Variants in PML observed in about 807,000 individuals in gnomAD.
The protein encoded by PML is PML nuclear body scaffold.
Under a neutral mutation model 65.2 loss-of-function variants are expected in PML, and 28 were observed. That is an observed-to-expected ratio of 0.43 (90% CI 0.32 to 0.59). The LOEUF is 0.59. PML is among the 20% of genes least tolerant of loss of function. The pLI, the probability that PML is intolerant of heterozygous loss-of-function variation, is 0.08. For synonymous variants in PML, 500 were observed against 508.8 expected, an observed-to-expected ratio of 0.98 and a Z score of 0.23; for missense variants, 1,021 against 1,203.4, an observed-to-expected ratio of 0.85 and a Z score of 2.24.
chr15:74,002,004 GAA>G (rs201339026), intron 2 of PML, among the ~76,000 whole-genome samples: 14 of 126,312 alleles, frequency 1.1e-4, no homozygotes, highest in Non-Finnish European at 8.5e-5. Flanking sequence ...ACCCTGACTC[GAA>G]AAAAAAAAAA....
chr15:74,000,836 G>A (rs191700933), intron 2 of PML, among the ~76,000 whole-genome samples: 13 of 152,090 alleles, frequency 8.5e-5, no homozygotes, highest in Non-Finnish European at 1.8e-4. Context: ...ATTGTTTAGC[G>A]TAGTGCCTGG....
At chr15:74,004,028 T>G (rs544825956) in intron 2 of PML, among the ~76,000 whole-genome samples, 3 of 152,222 alleles carry the variant, frequency 2.0e-5, no homozygotes, top group Non-Finnish European at 4.4e-5. Flanking sequence ...GTCTCTGGTG[T>G]TGTAGATGAG....
chr15:74,019,839 A>C (rs1298638840), intron 2 of PML, among the ~76,000 whole-genome samples: 1 of 152,154 alleles, frequency 6.6e-6, no homozygotes, highest in Non-Finnish European at 1.5e-5. Flanking sequence ...AATTTTCCTT[A>C]TCAGTATATA....
chr15:74,039,727 AG>A (rs1314361570), intron 7 of PML, among the ~76,000 whole-genome samples: 2 of 152,214 alleles, frequency 1.3e-5, no homozygotes, highest in African/African-American at 2.4e-5. Context: ...GCCTAACCAA[AG>A]TCAAGAACCA....
At position 74,035,508 on chromosome 15, in the gene PML, A is replaced by C. The variant is rs763750133; in HGVS notation, c.1710+978A>C. On this transcript the variant is annotated intron_variant, in intron 7 of 8. Coordinates refer to ENST00000268058, the MANE Select transcript of PML (RefSeq NM_033238.3). The surrounding 1 kb of genome is among the most constrained non-coding windows in gnomAD (Gnocchi z 4.1). The stretch of plus-strand genomic sequence containing the variant: ...GCACCCTCAATTGCATCGGGCCCCT[A>C]TTCGGACTTGGTCTCCCCATGTGGT... 5.6e-6 allele frequency: 9 copies of C among 1,611,662 alleles called. No individual in the cohort carries two copies. The South Asian group carries it at 7.7e-5, about 14-fold the overall frequency.
intron 4 of PML, chr15:74,027,908 AGT>A (rs2071153451): frequency 6.6e-6 from 1 of 152,304 alleles, no homozygotes; most frequent in African/African-American, 2.4e-5. Flanking sequence ...CCCAAGGGAA[AGT>A]GCTCCATCAG....
chr15:73,995,005 G>A lies in PML; in HGVS notation c.129+64G>A. 2.1e-6 allele frequency: 3 copies of A among 1,396,246 alleles called. No individual in the cohort carries two copies. In the South Asian group the frequency reaches 4.2e-5, roughly 19 times the overall value. 86.5% of individuals were successfully genotyped at this position (1,396,246 alleles called of 1,614,324 possible). ...TGGTTTGCTGTGGTGGGGAGAGGCG[G>A]GAAGAGAGGGTCTAACGGAGGATTT... is the stretch of plus-strand genomic sequence containing the variant. On this transcript the variant is annotated intron_variant, in intron 1 of 8. Coordinates refer to ENST00000268058, the MANE Select transcript of PML (RefSeq NM_033238.3).
chr15:74,020,582 G>GT (rs1332802320), intron 2 of PML, among the ~76,000 whole-genome samples: 3 of 152,254 alleles, frequency 2.0e-5, no homozygotes, highest in Middle Eastern at 3.4e-3. Flanking sequence ...GACTGCCTGG[G>GT]TTTTTATATT....
chr15:74,023,520 C>G (rs1338890679), intron 3 of PML, 112 bp downstream of exon 3: 3 of 900,288 alleles, frequency 3.3e-6, no homozygotes, highest in African/African-American at 3.3e-5. Context: ...GGTGTTTATT[C>G]AGTCTTTGGG....
rs138772531 is a variant in PML at position 74,044,806 on chromosome 15, G to A, written c.2447G>A (p.Arg816Gln). Residue 816 changes from arginine to glutamine, a missense_variant, in exon 9 of 9, where the codon CGG becomes CAG. By Grantham distance (43) the Arg-to-Gln change is conservative (BLOSUM62 1). Coordinates refer to ENST00000268058, the MANE Select transcript of PML (RefSeq NM_033238.3). Reference protein sequence around the residue: ...MELLSAHRRDRQGGLKKYSRY... With the variant: ...MELLSAHRRDQQGGLKKYSRY... ...CTGCTGAGTGCACACCGCCGTGACC[G>A]GCAGGGGGGCCTGAAGAAGTACAGC... The A allele has an allele frequency of 2.2e-5, 36 of 1,613,042 alleles. No individual in the cohort carries two copies. Among genetic ancestry groups the A allele is most frequent in the African/African-American group, 8.0e-5 (6 of 74,944 alleles).
At chr15:74,019,578 ATATT>A (rs1038890595) in intron 2 of PML, among the ~76,000 whole-genome samples, 1 of 152,230 alleles carries the variant, frequency 6.6e-6, no homozygotes, top group Non-Finnish European at 1.5e-5. Flanking sequence ...TGTCCTTTTA[ATATT>A]TATTTATTCA....
Position 73,998,397 on chromosome 15 carries a change from C to G in PML, c.523C>G (p.Arg175Gly). ...AGCAGAGCTGCGCAACCAGTCGGTG[C>G]GTGAGTTCCTGGACGGCACCCGCAA... ...PLAELRNQSV[R>G]EFLDGTRKTN... Residue 175 changes from arginine (R) to glycine (G), a missense_variant, in exon 2 of 9, where the codon CGT (arginine) becomes GGT (glycine). By Grantham distance (125) the Arg-to-Gly change is moderately radical (BLOSUM62 -2). Coordinates refer to ENST00000268058, the MANE Select transcript of PML (RefSeq NM_033238.3). 6.2e-7 allele frequency: 1 copy of G among 1,614,052 alleles called. No homozygotes were observed. Among genetic ancestry groups the G allele is most frequent in the Non-Finnish European group, 8.5e-7 (1 of 1,179,934 alleles).
intron 2 of PML, among the ~76,000 whole-genome samples, chr15:74,011,915 C>T (rs751841225): frequency 7.9e-5 from 12 of 152,184 alleles, no homozygotes; most frequent in Admixed American, 3.9e-4. Context: ...CTGGACTCTA[C>T]ATTCAGGCAG....
intron 2 of PML, among the ~76,000 whole-genome samples, chr15:73,999,978 GT>G (rs956025921): frequency 3.7e-4 from 56 of 151,918 alleles, no homozygotes; most frequent in Middle Eastern, 6.8e-3. Context: ...GCGATTACAG[GT>G]GCACATCATC....
chr15:74,023,065 C>A lies in PML; in HGVS notation c.840C>A (p.Arg280=). 6.2e-7 allele frequency: 1 copy of A among 1,602,820 alleles called. No homozygotes were observed. The highest frequency in any genetic ancestry group is 1.1e-5 in the South Asian group (1 of 90,958). The change falls in exon 3 of 9, where the codon CGC becomes CGA. Residue 280 remains arginine (R), a synonymous_variant. Coordinates refer to ENST00000268058, the MANE Select transcript of PML (RefSeq NM_033238.3). ...GTGCCGAGACCGAGGAGCTGATCCG[C>A]GAGCGCGTGCGCCAGGTGGTAGCTC... ...RARAETEELI[R]ERVRQVVAHV...
chr15:74,037,158 C>G lies in PML; in HGVS notation c.1710+2628C>G. On this transcript the variant is annotated intron_variant, in intron 7 of 8. Transcript: ENST00000268058. This position sits in a 1 kb window ranked among gnomAD's most constrained non-coding sequence, Gnocchi z 4.2. ...GTGCTCCGCCCAGCATGTCCTTTTG[C>G]TCTGCAGGGCAGCCCCCGCCTGCCT... 1.0e-6 allele frequency: 1 copy of G among 985,430 alleles called. No homozygotes were observed. Among genetic ancestry groups the G allele is most frequent in the Non-Finnish European group, 1.2e-6 (1 of 829,926 alleles). 61.0% of individuals were successfully genotyped at this position (985,430 alleles called of 1,614,324 possible).
At position 74,033,453 on chromosome 15, in the gene PML, G is replaced by A. The variant is rs373786795; in HGVS notation, c.1657+39G>A. ...TAGGGCAGTGGCCTGGGTGCTGCCCGCCAGGGTCTGGGCGGTGCCCCTCTT... is the reference window on the plus strand; with the variant it reads ...TAGGGCAGTGGCCTGGGTGCTGCCCACCAGGGTCTGGGCGGTGCCCCTCTT... On this transcript the variant is annotated intron_variant, in intron 6 of 8. Transcript: ENST00000268058. The A allele has an allele frequency of 2.0e-5, 32 of 1,608,328 alleles. No homozygotes were observed. The African/African-American group carries it at 2.5e-4, about 13-fold the overall frequency.
At chr15:74,004,155 G>T (rs1236408784) in intron 2 of PML, among the ~76,000 whole-genome samples, 1 of 152,086 alleles carries the variant, frequency 6.6e-6, no homozygotes, top group Non-Finnish European at 1.5e-5. Context: ...TGTCACCCAG[G>T]TTGGAATGCA....
At chr15:74,036,801 TCACCC>T (rs1297586579) in intron 7 of PML, among the ~76,000 whole-genome samples, 1 of 152,156 alleles carries the variant, frequency 6.6e-6, no homozygotes, top group African/African-American at 2.4e-5. Context: ...TCAGGGGTTG[TCACCC>T]CATTCCCCCA....
Sources: gnomAD v4.1 joint callset for allele counts (sites outside exome capture counted in the v4.1 genomes callset) on GRCh38, gnomAD v4.1.1 for gene constraint, Gnocchi (gnomAD v3.1) non-coding constraint, MANE v1.5 for transcripts, NCBI Gene and HGNC (gene_info 2026-07-23, HGNC 2026-07-21) for gene names.